The following SS18L1 variants were observed in gnomAD, a reference collection of about 807,000 sequenced individuals.
SS18L1 encodes the protein SS18L1 subunit of BAF chromatin remodeling complex.
In SS18L1, 32 loss-of-function variants were observed where a neutral mutation model predicts 70.3. The observed-to-expected ratio is 0.46, with a 90% CI of 0.34 to 0.61. SS18L1 has a LOEUF of 0.61. Among genes scored for constraint, SS18L1 ranks in the 20% least tolerant of loss-of-function variants. The probability of loss-of-function intolerance (pLI) is 0.01; values close to 1 mark genes in which losing one functional copy is unlikely to be tolerated. For synonymous variants in SS18L1, 237 were observed against 229.7 expected (o/e 1.03, Z -0.29); for missense variants, 430 against 542.1 (o/e 0.79, Z 2.05).
Position 62,158,963 on chromosome 20 carries a change from C to G in SS18L1, c.146+215C>G. The G allele has an allele frequency of 6.4e-7, 1 of 1,563,248 alleles. No individual in the cohort carries two copies. On this transcript the variant is annotated intron_variant, in intron 2 of 10. Transcript: ENST00000331758. The surrounding 1 kb of genome is among the most constrained non-coding windows in gnomAD (Gnocchi z 4.5). ...CGGAGGTCAGATATGTCCCGAGAGT[C>G]CCCCAGCACGGAGGCCAGATATGTC...
intron 1 of SS18L1, among the ~76,000 whole-genome samples, chr20:62,150,796 A>G (rs2145700675): frequency 6.6e-6 from 1 of 151,740 alleles, no homozygotes; most frequent in East Asian, 2.0e-4. Flanking sequence ...GACAGTCTCC[A>G]AGATGTTTGA....
At chr20:62,155,914 C>T (rs560469552) in intron 1 of SS18L1, among the ~76,000 whole-genome samples, 84 of 152,240 alleles carry the variant, frequency 5.5e-4, no homozygotes, top group African/African-American at 1.7e-3. Context: ...AGTCGCCGGC[C>T]GGGGCCTGGG....
intron 7 of SS18L1, 90 bp downstream of exon 7, chr20:62,164,336 C>T (rs2057389524): frequency 8.6e-6 from 11 of 1,275,042 alleles, no homozygotes; most frequent in Non-Finnish European, 1.1e-6. Context: ...GGTGTGGCCA[C>T]TGCAGTGTGT....
chr20:62,152,179 A>G (rs764248343), intron 1 of SS18L1, among the ~76,000 whole-genome samples: 206 of 152,170 alleles, frequency 1.4e-3, no homozygotes, highest in Non-Finnish European at 1.1e-3. Flanking sequence ...CCGCTGCCTC[A>G]TGGCATTGAG....
At chr20:62,164,047 G>A (rs1568753394) in intron 6 of SS18L1, 98 bp from the exon 7 acceptor site, 1 of 1,067,344 alleles carries the variant, frequency 9.4e-7, no homozygotes, top group Non-Finnish European at 1.4e-6. Context: ...GGGTGGGTGA[G>A]GCCATTCAGC....
At position 62,180,989 on chromosome 20, in the gene SS18L1, G is replaced by C. The variant is rs1384382746; in HGVS notation, c.*1781G>C. The C allele has an allele frequency of 5.5e-6, 1 of 182,244 alleles. No individual in the cohort carries two copies. Among genetic ancestry groups the C allele is most frequent in the Non-Finnish European group, 1.2e-5 (1 of 85,600 alleles). 11.3% of individuals were successfully genotyped at this position (182,244 alleles called of 1,614,324 possible). ...AATTTATAAGTCACTTATGTGTTTT[G>C]CTTGAATTAATTCTGACAGCCCCTA... On this transcript the variant is annotated 3_prime_UTR_variant, in exon 11 of 11. Coordinates refer to ENST00000331758, the MANE Select transcript of SS18L1 (RefSeq NM_198935.3).
At chr20:62,165,387 C>T (rs760556829) in intron 7 of SS18L1, 35 bp from the exon 8 acceptor site, 2 of 1,589,846 alleles carry the variant, frequency 1.3e-6, no homozygotes, top group South Asian at 2.3e-5. Flanking sequence ...CAGTGCACAG[C>T]CTCCGCTGAC....
intron 1 of SS18L1, among the ~76,000 whole-genome samples, chr20:62,156,064 C>T (rs965895381): frequency 1.1e-4 from 17 of 149,574 alleles, no homozygotes; most frequent in South Asian, 6.6e-4. Flanking sequence ...CGTCGTGCTT[C>T]GTCGTGCGTA....
Position 62,150,633 on chromosome 20 carries a change from A to ATTTTTTTTT in SS18L1, c.69+6773_69+6781dup, listed in dbSNP as rs34708339. ...CGGAGCATAAGAAACATTGAGGTGG[A>ATTTTTTTTT]TTTTTTTTTTTTTTTTTTTTTTTTT... On this transcript the variant is annotated intron_variant, in intron 1 of 10. Coordinates refer to ENST00000331758, the MANE Select transcript of SS18L1 (RefSeq NM_198935.3). Among the ~76,000 whole-genome samples the ATTTTTTTTT allele has an allele frequency of 2.8e-3, 164 of 58,048 alleles. 52 individuals carry two copies. The highest frequency in any genetic ancestry group is 4.1e-3 in the Non-Finnish European group (117 of 28,244). 38.1% of individuals were successfully genotyped at this position (58,048 alleles called of 152,430 possible).
At chr20:62,154,534 A>G in intron 1 of SS18L1, 1 of 1,015,934 alleles carries the variant, frequency 9.8e-7, no homozygotes, top group Non-Finnish European at 1.2e-6. Context: ...CTCCGTTGGG[A>G]CTGGGTCATC....
chr20:62,172,656 A>C, intron 8 of SS18L1, 26 bp from the exon 9 acceptor site: 3 of 1,614,074 alleles, frequency 1.9e-6, no homozygotes, highest in Non-Finnish European at 2.5e-6. Context: ...GGGGAAAGTC[A>C]TTTCTGTGTC....
chr20:62,164,311 A>C (rs1568753997), intron 7 of SS18L1, 65 bp downstream of exon 7: 14 of 1,408,470 alleles, frequency 9.9e-6, no homozygotes, highest in Non-Finnish European at 1.3e-5. Flanking sequence ...CAAGGAGGGC[A>C]AGGAGGGCAA....
chr20:62,172,750 C>T lies in SS18L1; in HGVS notation c.985C>T (p.Gln329Ter), dbSNP rs1210728114. 6.2e-7 allele frequency: 1 copy of T among 1,613,914 alleles called. No homozygotes were observed. Among genetic ancestry groups the T allele is most frequent in the Non-Finnish European group, 8.5e-7 (1 of 1,180,030 alleles). Reference sequence around the variant, plus strand: ...TGCCGCGCAGCAGCAGACGTACTCCCAGCAGCAGTACCCCAGCCAGCAGAG... The same window carrying T: ...TGCCGCGCAGCAGCAGACGTACTCCTAGCAGCAGTACCCCAGCCAGCAGAG... ...QGAAQQQTYS[Q>*]QQYPSQQSYP... is the part of the protein sequence containing the mutation. The change falls in exon 9 of 11, where the codon CAG becomes TAG. Residue 329 changes from glutamine (Q) to a stop codon, truncating the protein, a stop_gained. Transcript: ENST00000331758. LOFTEE classifies it high-confidence loss of function.
chr20:62,176,025 G>A (rs1052138541), intron 10 of SS18L1, among the ~76,000 whole-genome samples: 1 of 152,264 alleles, frequency 6.6e-6, no homozygotes, highest in Non-Finnish European at 1.5e-5. Flanking sequence ...GTTTGCACAG[G>A]AGTGTCATGC....
chr20:62,154,138 C>T (rs1414559330), intron 1 of SS18L1: 7 of 195,656 alleles, frequency 3.6e-5, no homozygotes, highest in East Asian at 2.8e-4. Context: ...GCAGCACAGC[C>T]GTCTGCTCCA....
In SS18L1 at chr20:62,163,486, G is replaced by T. The variant is rs113541923; in HGVS notation, c.585G>T (p.Thr195=). ...CCATGATGCAGCAGCAGGCGGCCAC[G>T]TCGCACTACAGCTCGGCGCAGGGCG... is the stretch of plus-strand genomic sequence containing the variant. ...PVSMMQQQAA[T]SHYSSAQGGS... Residue 195 remains threonine (T), a synonymous_variant, in exon 6 of 11, where the codon ACG becomes ACT. Transcript: ENST00000331758. The T allele has an allele frequency of 6.2e-7, 1 of 1,612,274 alleles. No individual in the cohort carries two copies. The highest frequency in any genetic ancestry group is 1.7e-5 in the Admixed American group (1 of 60,014).
Position 62,174,392 on chromosome 20 carries a change from C to T in SS18L1, c.1037-125C>T. 1.4e-6 allele frequency: 2 copies of T among 1,441,980 alleles called. No homozygotes were observed. Among genetic ancestry groups the T allele is most frequent in the Non-Finnish European group, 1.8e-6 (2 of 1,087,494 alleles). The allele number at this position is 1,441,980 out of a possible 1,614,324, so 89.3% of individuals were successfully genotyped here. On this transcript the variant is annotated intron_variant, in intron 9 of 10. Transcript: ENST00000331758. This position sits in a 1 kb window ranked among gnomAD's most constrained non-coding sequence, Gnocchi z 4.1. ...AGGTGTTCTGGAGATTGACAAAAGG[C>T]TGATGCATTGAGACGGGAATTTTTC... is the stretch of plus-strand genomic sequence containing the variant.
chr20:62,146,604 C>CCTTTTTTTT (rs1339898731), intron 1 of SS18L1, among the ~76,000 whole-genome samples: 1 of 34,158 alleles, frequency 2.9e-5, no homozygotes, highest in African/African-American at 1.2e-4. Context: ...CTGCTTTGAT[C>CCTTTTTTTT]ATTTTTTTTT....
Position 62,181,731 on chromosome 20 carries a change from A to C in SS18L1, c.*2523A>C. ...TCCATTTTTATGTAATATTATGGGG[A>C]AAGTGATGCCAGCAGTTCCTTTTCA... is the stretch of plus-strand genomic sequence containing the variant. On this transcript the variant is annotated 3_prime_UTR_variant, in exon 11 of 11. Transcript: ENST00000331758. The C allele has an allele frequency of 4.5e-6, 1 of 223,560 alleles. No individual in the cohort carries two copies. Among genetic ancestry groups the C allele is most frequent in the Non-Finnish European group, 8.9e-6 (1 of 111,838 alleles). The allele number at this position is 223,560 out of a possible 1,614,324, so 13.8% of individuals were successfully genotyped here. A position where few individuals can be genotyped will look rare whatever the true frequency, so the allele number is the denominator to read the frequency against.
Sources: gnomAD v4.1 joint callset for allele counts (sites outside exome capture counted in the v4.1 genomes callset) on GRCh38, gnomAD v4.1.1 for gene constraint, Gnocchi (gnomAD v3.1) non-coding constraint, MANE v1.5 for transcripts, NCBI Gene and HGNC (gene_info 2026-07-23, HGNC 2026-07-21) for gene names.